The following LMNB2 variants were observed in gnomAD, a reference collection of about 807,000 sequenced individuals.
LMNB2 encodes lamin-B2.
LMNB2 carries 17 observed loss-of-function variants against 69.3 expected under a neutral mutation model. That is an observed-to-expected ratio of 0.25 (90% CI 0.17 to 0.37). LMNB2 has a LOEUF of 0.37. LMNB2 is among the 10% of genes least tolerant of loss of function. The pLI is 1.00. For synonymous variants in LMNB2, 397 were observed against 389.3 expected (o/e 1.02, Z -0.23); for missense variants, 789 against 883.6 (o/e 0.89, Z 1.36).
chr19:2,431,741 C>G (rs376849103), intron 10 of LMNB2, 42 bp downstream of exon 10: 25 of 1,613,514 alleles, frequency 1.5e-5, no homozygotes, highest in Non-Finnish European at 2.1e-5. Context: ...CAGACCCTGC[C>G]CAGGACTCCA....
chr19:2,434,980 C>T lies in LMNB2; in HGVS notation c.855+21G>A, dbSNP rs187280487. On this transcript the variant is annotated intron_variant, in intron 5 of 11. Transcript: ENST00000325327. ...CGGGGTTCCCACCGGCCGCCCCCGCCCACCCGCCTGCCGGCCACACCTTGG... is the reference window on the plus strand; with the variant it reads ...CGGGGTTCCCACCGGCCGCCCCCGCTCACCCGCCTGCCGGCCACACCTTGG... 5,498 of 1,600,174 alleles carry T rather than the reference C, an allele frequency of 3.4e-3. 264 individuals carry two copies. The Admixed American group carries it at 0.082, about 24-fold the overall frequency.
intron 4 of LMNB2, among the ~76,000 whole-genome samples, chr19:2,436,427 G>A (rs962751271): frequency 7.3e-6 from 1 of 137,526 alleles, no homozygotes; most frequent in Non-Finnish European, 1.6e-5. Flanking sequence ...CAGTAGAAAC[G>A]CTTCTGAAGG....
intron 5 of LMNB2, 32 bp downstream of exon 5, chr19:2,434,969 G>A (rs1971803333): frequency 6.3e-7 from 1 of 1,584,264 alleles, no homozygotes; most frequent in Non-Finnish European, 8.6e-7. Context: ...GTTCCCACCG[G>A]CCGCCCCCGC....
chr19:2,439,958 C>T (rs1473184167), intron 2 of LMNB2, among the ~76,000 whole-genome samples: 2 of 151,906 alleles, frequency 1.3e-5, no homozygotes, highest in African/African-American at 4.8e-5. Flanking sequence ...GTCTCGAACT[C>T]CCAACCTCAG....
intron 4 of LMNB2, 71 bp from the exon 5 acceptor site, chr19:2,435,242 A>G: frequency 6.3e-7 from 1 of 1,574,908 alleles, no homozygotes; most frequent in Non-Finnish European, 8.6e-7. Context: ...GGAGGGCTCA[A>G]AAATGTGCCA....
At chr19:2,440,263 T>A (rs1971882320) in intron 2 of LMNB2, among the ~76,000 whole-genome samples, 1 of 151,908 alleles carries the variant, frequency 6.6e-6, no homozygotes, top group South Asian at 2.1e-4. Context: ...CGATCTCGGT[T>A]CACTGCAACC....
At chr19:2,456,526 G>GC in intron 1 of LMNB2, 144 bp downstream of exon 1, 1 of 836,822 alleles carries the variant, frequency 1.2e-6, no homozygotes, top group Non-Finnish European at 1.6e-6. Context: ...TCACTCAGGG[G>GC]CCCCCCGAAA....
Position 2,433,852 on chromosome 19 carries a change from C to A in LMNB2, c.1456G>T (p.Val486Leu). 1 of 1,613,470 alleles carries A rather than the reference C, an allele frequency of 6.2e-7. No individual in the cohort carries two copies. The highest frequency in any genetic ancestry group is 1.1e-5 in the South Asian group (1 of 91,086). Reference sequence around the variant, plus strand: ...TTGTCCGAGTTGTTCTTGAGCTGCACAAACTTGCCCTCCAGGTCGATCTCC... The same window carrying A: ...TTGTCCGAGTTGTTCTTGAGCTGCAAAAACTTGCCCTCCAGGTCGATCTCC... ...IEEIDLEGKF[V>L]QLKNNSDKDQ... The change falls in exon 8 of 12, where the codon GTG becomes TTG. Residue 486 changes from valine to leucine, a missense_variant. Transcript: ENST00000325327.
In LMNB2 at chr19:2,438,266, G is replaced by C; in HGVS notation, c.581C>G (p.Ala194Gly). The change falls in exon 4 of 12, where the codon GCC (alanine) becomes GGC (glycine). Residue 194 changes from alanine (A) to glycine (G), a missense_variant. Ala to Gly is a moderately conservative substitution (Grantham distance 60). Around this residue, in one of 3 missense-constraint regions of LMNB2, gnomAD observed 609 missense variants for 630.9 expected, o/e 0.97. Transcript: ENST00000325327. Reference protein sequence around the residue: ...LAKAEDGHAVAKKQLEKETLM... With the variant: ...LAKAEDGHAVGKKQLEKETLM... ...CGTCTCCTTCTCCAGCTGCTTTTTG[G>C]CCACTGCATGACCGTCCTCGGCCTG... The C allele has an allele frequency of 6.2e-7, 1 of 1,614,052 alleles. No homozygotes were observed. Among genetic ancestry groups the C allele is most frequent in the Non-Finnish European group, 8.5e-7 (1 of 1,180,036 alleles).
At chr19:2,450,649 C>T (rs1003881146) in intron 1 of LMNB2, among the ~76,000 whole-genome samples, 1 of 151,848 alleles carries the variant, frequency 6.6e-6, no homozygotes, top group African/African-American at 2.4e-5. Context: ...GCATTCCAGC[C>T]TGGGCGAGCA....
At chr19:2,437,397 C>G (rs1216068530) in intron 4 of LMNB2, among the ~76,000 whole-genome samples, 1 of 152,236 alleles carries the variant, frequency 6.6e-6, no homozygotes, top group African/African-American at 2.4e-5. Context: ...TGACGCCTGC[C>G]TCATGGTCTA....
chr19:2,438,235 C>T lies in LMNB2; in HGVS notation c.612G>A (p.Met204Ile), dbSNP rs756064252. 5.0e-6 allele frequency: 8 copies of T among 1,614,106 alleles called. No individual in the cohort carries two copies. In the South Asian group the frequency reaches 8.8e-5, roughly 18 times the overall value. ...AKKQLEKETL[M>I]RVDLENRCQS... Reference sequence around the variant, plus strand: ...GGCAGCGGTTCTCCAGGTCCACACGCATCAGCGTCTCCTTCTCCAGCTGCT... The same window carrying T: ...GGCAGCGGTTCTCCAGGTCCACACGTATCAGCGTCTCCTTCTCCAGCTGCT... Residue 204 changes from methionine (M) to isoleucine (I), a missense_variant, in exon 4 of 12, where the codon ATG (methionine) becomes ATA (isoleucine). Around this residue, in one of 3 missense-constraint regions of LMNB2, gnomAD observed 609 missense variants for 630.9 expected, o/e 0.97. Transcript: ENST00000325327.
chr19:2,435,862 G>T (rs1448330739), intron 4 of LMNB2, among the ~76,000 whole-genome samples: 1 of 151,990 alleles, frequency 6.6e-6, no homozygotes, highest in Non-Finnish European at 1.5e-5. Flanking sequence ...CATTATTGAA[G>T]AAAGCGGGCC....
At chr19:2,442,079 T>C (rs1369595591) in intron 2 of LMNB2, among the ~76,000 whole-genome samples, 2 of 152,176 alleles carry the variant, frequency 1.3e-5, no homozygotes, top group South Asian at 2.1e-4. Context: ...CGGGGTTTTG[T>C]GGCAGGCTCT....
At chr19:2,444,982 G>A (rs779008034) in intron 1 of LMNB2, among the ~76,000 whole-genome samples, 12 of 152,192 alleles carry the variant, frequency 7.9e-5, no homozygotes, top group Non-Finnish European at 1.5e-4. Context: ...CTGTCATAGC[G>A]ACACGATGCC....
rs1048597733 is a variant in LMNB2 at position 2,453,084 on chromosome 19, C to G, written c.264+3586G>C. ...CATCCTCATGGGGCTGGGTCATCCT[C>G]GTGAGGGCTGCGTCATCCTCGTGGG... On this transcript the variant is annotated intron_variant, in intron 1 of 11. Coordinates refer to ENST00000325327, the MANE Select transcript of LMNB2 (RefSeq NM_032737.4). This position sits in a 1 kb window ranked among gnomAD's most constrained non-coding sequence, Gnocchi z 4.4. Among the ~76,000 whole-genome samples, 11 of 151,088 alleles carry G rather than the reference C, an allele frequency of 7.3e-5. No individual in the cohort carries two copies. The highest frequency in any genetic ancestry group is 3.4e-3 in the Middle Eastern group (1 of 292).
At chr19:2,449,766 G>C (rs980424408) in intron 1 of LMNB2, among the ~76,000 whole-genome samples, 5 of 151,064 alleles carry the variant, frequency 3.3e-5, no homozygotes, top group Non-Finnish European at 5.9e-5. Context: ...GGTACAGAGA[G>C]ACCCTGTCTC....
At chr19:2,448,571 G>A (rs1194417380) in intron 1 of LMNB2, among the ~76,000 whole-genome samples, 1 of 152,210 alleles carries the variant, frequency 6.6e-6, no homozygotes, top group African/African-American at 2.4e-5. Flanking sequence ...ATGCAAACCT[G>A]GCATGGGGGC....
At chr19:2,452,001 C>A (rs541837537) in intron 1 of LMNB2, among the ~76,000 whole-genome samples, 2 of 152,088 alleles carry the variant, frequency 1.3e-5, no homozygotes, top group African/African-American at 4.8e-5. Flanking sequence ...AGGGAAGTAC[C>A]TGGAGTACCT....
Sources: gnomAD v4.1 joint callset for allele counts (sites outside exome capture counted in the v4.1 genomes callset) on GRCh38, gnomAD v4.1.1 for gene constraint, gnomAD v4.1.1 regional missense constraint, Gnocchi (gnomAD v3.1) non-coding constraint, MANE v1.5 for transcripts, NCBI Gene and HGNC (gene_info 2026-07-23, HGNC 2026-07-21) for gene names.